KRT8: variants seen among roughly 807,000 people sequenced by gnomAD.
The protein encoded by KRT8 is keratin 8.
Under a neutral mutation model 43.0 loss-of-function variants are expected in KRT8, and 24 were observed. The ratio of observed to expected loss-of-function variants is 0.56; its 90% CI spans 0.40 to 0.78. The LOEUF (loss-of-function observed/expected upper bound fraction) is 0.78, where lower values mean the gene tolerates loss of function less well. Among genes scored for constraint, KRT8 ranks in the 30% least tolerant of loss-of-function variants. The pLI is 0.00. For missense variants in KRT8, 492 were observed against 638.4 expected (o/e 0.77, Z 2.47); for synonymous variants, 214 against 261.2 (o/e 0.82, Z 1.74).
At chr12:52,918,212 A>AAGGAGAAGG (rs1941809563) in intron 2 of KRT8, among the ~76,000 whole-genome samples, 1 of 132,796 alleles carries the variant, frequency 7.5e-6, no homozygotes, top group Non-Finnish European at 1.7e-5. Context: ...GAACAAGAAG[A>AAGGAGAAGG]AGAAGAAGAA....
At chr12:52,900,095 C>G (rs1273696412) in intron 4 of KRT8, 30 bp from the exon 5 acceptor site, 2 of 1,609,858 alleles carry the variant, frequency 1.2e-6, no homozygotes, top group Non-Finnish European at 1.7e-6. Flanking sequence ...GTGGTGAGGC[C>G]CTGTCTCTGC....
Position 52,918,205 on chromosome 12 carries a change from CAAGAAGAAGAAG to C in KRT8, c.-46-13190_-46-13179del, listed in dbSNP as rs371624304. Among the ~76,000 whole-genome samples, 166 of 116,672 alleles carry C rather than the reference CAAGAAGAAGAAG, an allele frequency of 1.4e-3. 2 individuals carry two copies. Among genetic ancestry groups the C allele is most frequent in the Middle Eastern group, 4.6e-3 (1 of 216 alleles). 76.5% of individuals were successfully genotyped at this position (116,672 alleles called of 152,430 possible). Reference sequence around the variant, plus strand: ...GGAAGAAGAAGAAGAAGAAGAAGAACAAGAAGAAGAAGAAGAAGAAGAAGAAGAAGAAGAAGA... The same window carrying C: ...GGAAGAAGAAGAAGAAGAAGAAGAACAAGAAGAAGAAGAAGAAGAAGAAGA... On this transcript the variant is annotated intron_variant, in intron 2 of 6. Transcript: ENST00000546826.
At chr12:52,938,171 T>TATATATA (rs1350561374) in intron 2 of KRT8, among the ~76,000 whole-genome samples, 59 of 29,698 alleles carry the variant, frequency 2.0e-3, no homozygotes, top group East Asian at 0.014. Context: ...TATATATATA[T>TATATATA]TTTTTTTTTT....
chr12:52,936,483 T>C (rs1942171530), intron 2 of KRT8, among the ~76,000 whole-genome samples: 1 of 152,152 alleles, frequency 6.6e-6, no homozygotes, highest in Non-Finnish European at 1.5e-5. Flanking sequence ...GGTCTCACTA[T>C]GTTGCGGAGC....
chr12:52,920,906 A>T (rs1214543458), intron 2 of KRT8, among the ~76,000 whole-genome samples: 1 of 152,206 alleles, frequency 6.6e-6, no homozygotes, highest in Non-Finnish European at 1.5e-5. Flanking sequence ...TAAGACAGAA[A>T]ATGAGACAGA....
At chr12:52,921,039 A>G (rs180783834) in intron 2 of KRT8, among the ~76,000 whole-genome samples, 1 of 152,334 alleles carries the variant, frequency 6.6e-6, no homozygotes, top group Non-Finnish European at 1.5e-5. Context: ...CTCAGATACA[A>G]TGACCCATTC....
intron 2 of KRT8, among the ~76,000 whole-genome samples, chr12:52,940,018 G>A (rs1942240242): frequency 6.6e-6 from 1 of 152,064 alleles, no homozygotes; most frequent in Admixed American, 6.6e-5. Context: ...AACAAATTAT[G>A]GTAACTCTAT....
intron 2 of KRT8, among the ~76,000 whole-genome samples, chr12:52,946,044 C>T (rs1179545697): frequency 1.3e-5 from 2 of 152,120 alleles, no homozygotes; most frequent in Non-Finnish European, 2.9e-5. Flanking sequence ...TCGGTATTTG[C>T]CCCATGCTGC....
At chr12:52,943,165 G>A (rs141536917) in intron 2 of KRT8, among the ~76,000 whole-genome samples, 8 of 152,222 alleles carry the variant, frequency 5.3e-5, no homozygotes, top group South Asian at 2.1e-4. Flanking sequence ...TCAGTTCTGC[G>A]ACCTAACAAC....
Position 52,900,695 on chromosome 12 carries a change from G to A in KRT8, c.595-12C>T. 1 of 1,592,308 alleles carries A rather than the reference G, an allele frequency of 6.3e-7. No individual in the cohort carries two copies. The highest frequency in any genetic ancestry group is 8.6e-7 in the Non-Finnish European group (1 of 1,162,710). ...GCTTCATCCACATCCTGGGGGATGA[G>A]GAGAGGGGAGCCTGAGCTGGGTTTC... On this transcript the variant is annotated splice_polypyrimidine_tract_variant and intron_variant, in intron 3 of 7. Transcript: ENST00000692008.
At chr12:52,923,685 T>C (rs1941932561) in intron 2 of KRT8, among the ~76,000 whole-genome samples, 2 of 152,294 alleles carry the variant, frequency 1.3e-5, no homozygotes, top group Admixed American at 1.3e-4. Context: ...CCCAAAATAC[T>C]GGGATTACAG....
At chr12:52,903,580 G>A (rs895528229) in intron 1 of KRT8, 3 of 152,156 alleles carry the variant, frequency 2.0e-5, no homozygotes, top group African/African-American at 7.2e-5. Flanking sequence ...GCCGCCGGGG[G>A]CCCGGGGCCC....
chr12:52,903,698 C>G (rs376093030), intron 1 of KRT8: 1 of 152,406 alleles, frequency 6.6e-6, no homozygotes, highest in South Asian at 2.1e-4. Flanking sequence ...GAAAGGGACA[C>G]GGGCTGAATG....
In KRT8 at chr12:52,918,180, G is replaced by GAAGAAGAAGAA; in HGVS notation, c.-46-13154_-46-13153insTTCTTCTTCTT. On this transcript the variant is annotated intron_variant, in intron 2 of 6. Coordinates refer to the KRT8 transcript ENST00000546826. ...GGGAAGAAGAAGAAGAAGAGGAAGA[G>GAAGAAGAAGAA]GAAGAAGAAGAAGAAGAAGAAGAAC... is the stretch of plus-strand genomic sequence containing the variant. Among the ~76,000 whole-genome samples the GAAGAAGAAGAA allele has an allele frequency of 2.1e-3, 152 of 73,816 alleles. 9 individuals are homozygous for GAAGAAGAAGAA. Among genetic ancestry groups the GAAGAAGAAGAA allele is most frequent in the East Asian group, 7.3e-3 (15 of 2,048 alleles). The allele number at this position is 73,816 out of a possible 152,430, so 48.4% of individuals were successfully genotyped here.
intron 2 of KRT8, among the ~76,000 whole-genome samples, chr12:52,926,765 C>A (rs2120682715): frequency 6.6e-6 from 1 of 152,252 alleles, no homozygotes; most frequent in African/African-American, 2.4e-5. Context: ...GAATCCAAGG[C>A]TCTAAGAAGT....
At chr12:52,939,734 A>AT (rs1942235955) in intron 2 of KRT8, among the ~76,000 whole-genome samples, 1 of 151,872 alleles carries the variant, frequency 6.6e-6, no homozygotes, top group Non-Finnish European at 1.5e-5. Flanking sequence ...AAAAAAAAAA[A>AT]AGAAAAAAAG....
chr12:52,923,378 A>G (rs191836023), intron 2 of KRT8, among the ~76,000 whole-genome samples: 25 of 152,252 alleles, frequency 1.6e-4, no homozygotes, highest in Admixed American at 1.4e-3. Flanking sequence ...CCTCATCTAT[A>G]TAATGAAGGG....
intron 2 of KRT8, among the ~76,000 whole-genome samples, chr12:52,923,450 C>T (rs1306816507): frequency 1.3e-5 from 2 of 152,138 alleles, no homozygotes; most frequent in East Asian, 1.9e-4. Flanking sequence ...GATGGAGTCT[C>T]GCTGTGTTGC....
intron 2 of KRT8, among the ~76,000 whole-genome samples, chr12:52,914,579 C>A (rs2120626939): frequency 1.3e-5 from 2 of 152,332 alleles, no homozygotes; most frequent in Middle Eastern, 6.8e-3. Context: ...ATCCTCCCAC[C>A]TTGGCCTCCC....
Sources: allele counts gnomAD v4.1 joint callset (sites outside exome capture counted in the v4.1 genomes callset), GRCh38; gene constraint gnomAD v4.1.1; transcripts MANE v1.5; gene names NCBI Gene and HGNC (gene_info 2026-07-23, HGNC 2026-07-21).